Variants in KCND2 observed in about 807,000 individuals in gnomAD.
KCND2 encodes A-type voltage-gated potassium channel KCND2.
A neutral mutation model predicts 54.4 loss-of-function variants in KCND2; 16 were observed. The ratio of observed to expected loss-of-function variants is 0.29; its 90% CI spans 0.20 to 0.45. The LOEUF is 0.45. Ranked by LOEUF, KCND2 falls within the 20% of genes least tolerant of loss-of-function variation. The pLI, the probability that KCND2 is intolerant of heterozygous loss-of-function variation, is 1.00. For synonymous variants in KCND2, 317 were observed against 310.7 expected, an observed-to-expected ratio of 1.02 and a Z score of -0.21; for missense variants, 486 against 824.2, an observed-to-expected ratio of 0.59 and a Z score of 5.02.
At chr7:120,378,253 A>G (rs1423768778) in intron 1 of KCND2, among the ~76,000 whole-genome samples, 1 of 151,956 alleles carries the variant, frequency 6.6e-6, no homozygotes, top group African/African-American at 2.4e-5. Flanking sequence ...CATGATTAAT[A>G]TTTTGAGGGC....
intron 1 of KCND2, among the ~76,000 whole-genome samples, chr7:120,620,962 A>G (rs1014271944): frequency 6.6e-6 from 1 of 152,178 alleles, no homozygotes. Flanking sequence ...ATATAGTCAC[A>G]TGATATGGTT....
chr7:120,614,596 G>A (rs939149888), intron 1 of KCND2, among the ~76,000 whole-genome samples: 4 of 152,072 alleles, frequency 2.6e-5, no homozygotes, highest in Non-Finnish European at 4.4e-5. Flanking sequence ...ATATTTATAT[G>A]TTCCCCAGCT....
intron 1 of KCND2, among the ~76,000 whole-genome samples, chr7:120,430,508 G>A (rs1481070882): frequency 6.6e-6 from 1 of 151,874 alleles, no homozygotes. Context: ...TACTCGGGAG[G>A]CTGAAGCAGG....
At position 120,616,009 on chromosome 7, in the gene KCND2, G is replaced by A. The variant is rs544033985; in HGVS notation, c.1116-116894G>A. On this transcript the variant is annotated intron_variant, in intron 1 of 5. Coordinates refer to ENST00000331113, the MANE Select transcript of KCND2 (RefSeq NM_012281.3). ...TTTATCCTTCACTAGACTATGAAGG[G>A]TATCAGGGCAGTGTTAGTTACTTTT... Among the ~76,000 whole-genome samples, 3 of 152,258 alleles carry A rather than the reference G, an allele frequency of 2.0e-5. No individual in the cohort carries two copies. In the East Asian group the frequency reaches 5.8e-4, roughly 29 times the overall value.
intron 1 of KCND2, among the ~76,000 whole-genome samples, chr7:120,317,682 T>C (rs2116325176): frequency 6.6e-6 from 1 of 152,304 alleles, no homozygotes; most frequent in East Asian, 1.9e-4. Context: ...ATTTGATTTG[T>C]GTAACTCTAT....
In KCND2 at chr7:120,351,823, TC is replaced by T. The variant is rs558814927; in HGVS notation, c.1115+76077del. ...TTTCTTTTCTTTCTTTCTTTTTTTTTCTTTTTGAGACAGTGTCTCATTCTGT... is the reference window on the plus strand; with the variant it reads ...TTTCTTTTCTTTCTTTCTTTTTTTTTTTTTTGAGACAGTGTCTCATTCTGT... On this transcript the variant is annotated intron_variant, in intron 1 of 5. Coordinates refer to ENST00000331113, the MANE Select transcript of KCND2 (RefSeq NM_012281.3). Among the ~76,000 whole-genome samples the T allele has an allele frequency of 3.2e-3, 494 of 152,128 alleles. 2 individuals carry two copies. The highest frequency in any genetic ancestry group is 0.011 in the African/African-American group (472 of 41,460).
At chr7:120,292,274 A>C (rs1380283924) in intron 1 of KCND2, among the ~76,000 whole-genome samples, 2 of 151,868 alleles carry the variant, frequency 1.3e-5, no homozygotes, top group Non-Finnish European at 2.9e-5. Context: ...AATGATTTAA[A>C]TATTACTTTT....
At chr7:120,470,021 G>A (rs953512199) in intron 1 of KCND2, among the ~76,000 whole-genome samples, 4 of 151,964 alleles carry the variant, frequency 2.6e-5, no homozygotes, top group Non-Finnish European at 5.9e-5. Flanking sequence ...TCTCTGATGG[G>A]GTGGAATACA....
chr7:120,737,075 C>CACACAAAA (rs1339876894), intron 2 of KCND2, among the ~76,000 whole-genome samples: 1 of 112,974 alleles, frequency 8.9e-6, no homozygotes, highest in African/African-American at 3.7e-5. Context: ...CACACACACA[C>CACACAAAA]AAACAAAAAA....
At chr7:120,596,175 T>G (rs1792743448) in intron 1 of KCND2, among the ~76,000 whole-genome samples, 1 of 152,202 alleles carries the variant, frequency 6.6e-6, no homozygotes, top group Non-Finnish European at 1.5e-5. Context: ...TAGGTAAGGA[T>G]ATATCCAATT....
intron 1 of KCND2, among the ~76,000 whole-genome samples, chr7:120,432,187 T>G (rs1015316964): frequency 1.3e-5 from 2 of 152,198 alleles, no homozygotes; most frequent in Admixed American, 1.3e-4. Context: ...AGTACTCAAA[T>G]GACAAGATTT....
intron 1 of KCND2, among the ~76,000 whole-genome samples, chr7:120,653,050 C>T (rs966324775): frequency 2.6e-5 from 4 of 151,748 alleles, no homozygotes; most frequent in Non-Finnish European, 2.9e-5. Context: ...TGTGTAAGAT[C>T]AGGTCTCACT....
chr7:120,695,739 C>T (rs1792325281), intron 1 of KCND2, among the ~76,000 whole-genome samples: 1 of 152,078 alleles, frequency 6.6e-6, no homozygotes, highest in Non-Finnish European at 1.5e-5. Context: ...CAATCCGTTC[C>T]CTCTGCACTT....
intron 1 of KCND2, among the ~76,000 whole-genome samples, chr7:120,631,154 A>T (rs1793228812): frequency 6.6e-6 from 1 of 152,148 alleles, no homozygotes; most frequent in African/African-American, 2.4e-5. Context: ...GTAAGGTCTT[A>T]TAAAATAATA....
chr7:120,635,902 A>G (rs932468689), intron 1 of KCND2, among the ~76,000 whole-genome samples: 2 of 152,202 alleles, frequency 1.3e-5, no homozygotes, highest in African/African-American at 4.8e-5. Context: ...CAAAACATTT[A>G]AAACAATGGA....
chr7:120,501,401 G>A (rs1028584840), intron 1 of KCND2, among the ~76,000 whole-genome samples: 4 of 152,070 alleles, frequency 2.6e-5, no homozygotes, highest in African/African-American at 9.7e-5. Context: ...GAAAAGATGA[G>A]TTGTGATTGA....
intron 1 of KCND2, among the ~76,000 whole-genome samples, chr7:120,427,873 C>G (rs1366323955): frequency 6.6e-6 from 1 of 152,098 alleles, no homozygotes; most frequent in Admixed American, 6.5e-5. Flanking sequence ...TCGTTCAAGA[C>G]TATCATTTTT....
intron 1 of KCND2, among the ~76,000 whole-genome samples, chr7:120,626,965 C>A (rs1053179709): frequency 1.1e-4 from 17 of 152,214 alleles, no homozygotes; most frequent in Non-Finnish European, 2.2e-4. Flanking sequence ...ATGTACACTA[C>A]ACTGTCTTGG....
At chr7:120,638,491 C>T (rs2189975) in intron 1 of KCND2, among the ~76,000 whole-genome samples, 2 of 152,038 alleles carry the variant, frequency 1.3e-5, no homozygotes, top group Non-Finnish European at 2.9e-5. Context: ...TTTGGATGCT[C>T]TACCTAATAA....
Sources: allele counts gnomAD v4.1 joint callset (sites outside exome capture counted in the v4.1 genomes callset), GRCh38; gene constraint gnomAD v4.1.1; transcripts MANE v1.5; gene names NCBI Gene and HGNC (gene_info 2026-07-23, HGNC 2026-07-21).